Variants in DNM3 observed in about 807,000 individuals in gnomAD.
The protein encoded by DNM3 is dynamin-3.
DNM3 carries 47 observed loss-of-function variants against 101.6 expected under a neutral mutation model. That is an observed-to-expected ratio of 0.46 (90% CI 0.37 to 0.59). The LOEUF (loss-of-function observed/expected upper bound fraction) is 0.59. Ranked by LOEUF, DNM3 falls within the 20% of genes least tolerant of loss-of-function variation. DNM3 has a pLI of 0.00. For synonymous variants in DNM3, 385 were observed against 387.9 expected (o/e 0.99, Z 0.09); for missense variants, 849 against 1,085.7 (o/e 0.78, Z 3.06).
intron 1 of DNM3, among the ~76,000 whole-genome samples, chr1:171,912,907 T>C (rs943372836): frequency 3.3e-5 from 5 of 152,234 alleles, no homozygotes; most frequent in African/African-American, 1.2e-4. Flanking sequence ...CCAACTTGGG[T>C]AAAATATAAT....
At chr1:172,400,173 C>G (rs1157045581) in intron 20 of DNM3, among the ~76,000 whole-genome samples, 1 of 152,112 alleles carries the variant, frequency 6.6e-6, no homozygotes, top group Non-Finnish European at 1.5e-5. Context: ...TTCTCAGAAG[C>G]GGACACTTGC....
intron 14 of DNM3, among the ~76,000 whole-genome samples, chr1:172,242,277 C>G (rs776962619): frequency 4.6e-5 from 7 of 152,120 alleles, no homozygotes; most frequent in Non-Finnish European, 1.0e-4. Flanking sequence ...TTTCACTAAA[C>G]TCTCTGGTTT....
chr1:172,172,044 T>A (rs1201921104), intron 14 of DNM3, among the ~76,000 whole-genome samples: 5 of 151,540 alleles, frequency 3.3e-5, no homozygotes, highest in Admixed American at 3.3e-4. Flanking sequence ...TAAATATTTA[T>A]TGATGGAGTA....
intron 9 of DNM3, among the ~76,000 whole-genome samples, chr1:172,047,775 C>T (rs2049921144): frequency 6.6e-6 from 1 of 151,976 alleles, no homozygotes; most frequent in African/African-American, 2.4e-5. Context: ...CCATAGAATT[C>T]AGTTGCAGGA....
At chr1:172,055,352 A>G (rs1426477164) in intron 10 of DNM3, among the ~76,000 whole-genome samples, 3 of 152,054 alleles carry the variant, frequency 2.0e-5, no homozygotes, top group African/African-American at 7.2e-5. Context: ...CTGCTATTCA[A>G]ATGCCCCATA....
chr1:172,239,926 G>A (rs1382115485), intron 14 of DNM3, among the ~76,000 whole-genome samples: 2 of 149,302 alleles, frequency 1.3e-5, no homozygotes, highest in East Asian at 4.0e-4. Context: ...ATGGAGATGT[G>A]TTGGAGCCAG....
intron 2 of DNM3, among the ~76,000 whole-genome samples, chr1:171,931,253 A>G (rs1448656674): frequency 6.6e-6 from 1 of 152,226 alleles, no homozygotes; most frequent in African/African-American, 2.4e-5. Flanking sequence ...TACAAATTCA[A>G]TGCAATCCCT....
chr1:171,888,747 T>A (rs2036997306), intron 1 of DNM3, among the ~76,000 whole-genome samples: 2 of 152,164 alleles, frequency 1.3e-5, no homozygotes, highest in South Asian at 4.1e-4. Flanking sequence ...CAATTCTATA[T>A]CTTGAAATAA....
intron 1 of DNM3, among the ~76,000 whole-genome samples, chr1:171,871,312 A>G (rs1304363839): frequency 6.6e-6 from 1 of 152,182 alleles, no homozygotes; most frequent in African/African-American, 2.4e-5. Context: ...ACACTAAACA[A>G]TTCTTTATAA....
At chr1:172,179,889 G>T (rs1022440194) in intron 14 of DNM3, among the ~76,000 whole-genome samples, 2 of 151,924 alleles carry the variant, frequency 1.3e-5, no homozygotes, top group East Asian at 3.9e-4. Flanking sequence ...CGCCCATGGC[G>T]TACATAGCAG....
At chr1:171,920,129 T>G (rs1344733848) in intron 1 of DNM3, among the ~76,000 whole-genome samples, 2 of 152,230 alleles carry the variant, frequency 1.3e-5, no homozygotes, top group East Asian at 3.8e-4. Context: ...GAACACACAG[T>G]AGCACTTGCC....
chr1:172,074,143 G>A (rs2052441893), intron 11 of DNM3, among the ~76,000 whole-genome samples: 1 of 152,060 alleles, frequency 6.6e-6, no homozygotes, highest in Admixed American at 6.6e-5. Flanking sequence ...AACAGATGAG[G>A]TCTATATAAG....
chr1:172,035,639 G>A (rs2048902165), intron 6 of DNM3, among the ~76,000 whole-genome samples: 1 of 152,096 alleles, frequency 6.6e-6, no homozygotes, highest in South Asian at 2.1e-4. Context: ...AGCAAAAGGT[G>A]GAAATCAGGT....
intron 2 of DNM3, among the ~76,000 whole-genome samples, chr1:171,942,074 G>A (rs953969897): frequency 9.2e-5 from 14 of 152,064 alleles, no homozygotes; most frequent in African/African-American, 3.1e-4. Context: ...GGATGGCTAG[G>A]TAAATGATTC....
At chr1:172,368,167 A>G (rs959227646) in intron 17 of DNM3, among the ~76,000 whole-genome samples, 3 of 151,976 alleles carry the variant, frequency 2.0e-5, no homozygotes, top group Non-Finnish European at 2.9e-5. Flanking sequence ...TAGCTACAGA[A>G]TATGTGCTCT....
chr1:172,412,376 G>GTGT lies in DNM3; in HGVS notation c.*4537_*4539dup. ...TAATTCCACCAGTACTACTTGATTTGTGTTATATTTCCTATGTACATGTAC... is the reference window on the plus strand; with the variant it reads ...TAATTCCACCAGTACTACTTGATTTGTGTTGTTATATTTCCTATGTACATGTAC... On this transcript the variant is annotated 3_prime_UTR_variant, in exon 21 of 21. Transcript: ENST00000627582. 1 of 985,686 alleles carries GTGT rather than the reference G, an allele frequency of 1.0e-6. No homozygotes were observed. The highest frequency in any genetic ancestry group is 1.2e-6 in the Non-Finnish European group (1 of 829,874). The allele number at this position is 985,686 out of a possible 1,614,324, so 61.1% of individuals were successfully genotyped here.
At chr1:172,083,269 A>G (rs1268606772) in intron 12 of DNM3, among the ~76,000 whole-genome samples, 1 of 150,892 alleles carries the variant, frequency 6.6e-6, no homozygotes, top group African/African-American at 2.5e-5. Context: ...TCTAGTTTCT[A>G]TAGTGGGTGG....
At chr1:172,172,560 A>T (rs1417464324) in intron 14 of DNM3, among the ~76,000 whole-genome samples, 1 of 151,756 alleles carries the variant, frequency 6.6e-6, no homozygotes, top group Non-Finnish European at 1.5e-5. Flanking sequence ...ACCACAGCTG[A>T]CCACAAAAGA....
intron 13 of DNM3, among the ~76,000 whole-genome samples, chr1:172,117,230 A>G (rs1245946629): frequency 6.6e-6 from 1 of 151,560 alleles, no homozygotes; most frequent in African/African-American, 2.4e-5. Flanking sequence ...GTCTTCACTG[A>G]GGCCTAAGCC....
Sources: gnomAD v4.1 joint callset for allele counts (sites outside exome capture counted in the v4.1 genomes callset) on GRCh38, gnomAD v4.1.1 for gene constraint, MANE v1.5 for transcripts, NCBI Gene and HGNC (gene_info 2026-07-23, HGNC 2026-07-21) for gene names.